Variants in RAB10 observed in about 807,000 individuals in gnomAD.
RAB10 encodes RAB10, member RAS oncogene family, also known as ras-related protein Rab-10.
A neutral mutation model predicts 25.7 loss-of-function variants in RAB10; 5 were observed. The observed-to-expected ratio is 0.19, with a 90% confidence interval of 0.10 to 0.41. The LOEUF is 0.41. RAB10 is among the 10% of genes least tolerant of loss of function. The probability of loss-of-function intolerance (pLI) is 1.00; values close to 1 mark genes in which losing one functional copy is unlikely to be tolerated. For synonymous variants in RAB10, 89 were observed against 86.4 expected, an observed-to-expected ratio of 1.03 and a Z score of -0.16; for missense variants, 103 against 245.8, an observed-to-expected ratio of 0.42 and a Z score of 3.89.
At chr2:26,067,076 C>T (rs1389696669) in intron 1 of RAB10, among the ~76,000 whole-genome samples, 3 of 152,062 alleles carry the variant, frequency 2.0e-5, no homozygotes, top group Non-Finnish European at 4.4e-5. Flanking sequence ...GCCACCATGC[C>T]GCTCTATTTT....
At chr2:26,075,427 T>C (rs1368200324) in intron 1 of RAB10, among the ~76,000 whole-genome samples, 2 of 152,164 alleles carry the variant, frequency 1.3e-5, no homozygotes, top group Admixed American at 6.5e-5. Context: ...TGAACTGTTT[T>C]TGTGCTTTGA....
At chr2:26,070,969 T>C (rs945826227) in intron 1 of RAB10, among the ~76,000 whole-genome samples, 8 of 152,156 alleles carry the variant, frequency 5.3e-5, no homozygotes, top group African/African-American at 1.7e-4. Flanking sequence ...ACAGAAGCAA[T>C]GGTATGTAAA....
At chr2:26,053,912 G>A (rs1666190405) in intron 1 of RAB10, among the ~76,000 whole-genome samples, 1 of 150,432 alleles carries the variant, frequency 6.6e-6, no homozygotes, top group African/African-American at 2.4e-5. Context: ...TAGAGACAGG[G>A]TTTCATCATG....
chr2:26,066,836 G>A (rs565309519), intron 1 of RAB10, among the ~76,000 whole-genome samples: 2 of 145,854 alleles, frequency 1.4e-5, no homozygotes, highest in African/African-American at 2.6e-5. Context: ...AGGCTGAAGT[G>A]CGGTGGCACA....
At chr2:26,111,248 C>G (rs1254894818) in intron 3 of RAB10, among the ~76,000 whole-genome samples, 1 of 152,118 alleles carries the variant, frequency 6.6e-6, no homozygotes, top group Non-Finnish European at 1.5e-5. Context: ...CTCATTACCA[C>G]TGTTTTGTTG....
chr2:26,105,617 T>A (rs1402693871), intron 2 of RAB10, among the ~76,000 whole-genome samples: 2 of 152,038 alleles, frequency 1.3e-5, no homozygotes, highest in Non-Finnish European at 2.9e-5. Flanking sequence ...ATTGTGCCAC[T>A]GTACTCTGTG....
chr2:26,048,566 T>G (rs1415737980), intron 1 of RAB10, among the ~76,000 whole-genome samples: 1 of 152,200 alleles, frequency 6.6e-6, no homozygotes, highest in Non-Finnish European at 1.5e-5. Context: ...TTTTAACTGT[T>G]GAGTTTAGAG....
chr2:26,131,801 G>A (rs1444220828), intron 5 of RAB10, among the ~76,000 whole-genome samples: 2 of 151,982 alleles, frequency 1.3e-5, no homozygotes, highest in African/African-American at 4.8e-5. Context: ...TCCACTGATT[G>A]TCACTTTGCT....
At chr2:26,091,527 G>T (rs902255988) in intron 1 of RAB10, among the ~76,000 whole-genome samples, 1 of 152,138 alleles carries the variant, frequency 6.6e-6, no homozygotes, top group Non-Finnish European at 1.5e-5. Context: ...TGAGGGCAGG[G>T]TAGAGAGGGG....
At chr2:26,107,245 C>CAAAAA (rs57391958) in intron 2 of RAB10, among the ~76,000 whole-genome samples, 9 of 66,796 alleles carry the variant, frequency 1.3e-4, no homozygotes, top group African/African-American at 4.5e-4. Flanking sequence ...CACCCTGTTT[C>CAAAAA]AAAAAAAAAA....
chr2:26,059,631 T>C (rs2149266616), intron 1 of RAB10, among the ~76,000 whole-genome samples: 1 of 152,332 alleles, frequency 6.6e-6, no homozygotes, highest in Admixed American at 6.5e-5. Context: ...CTTCCAAGTA[T>C]ATATCCCAAA....
intron 1 of RAB10, among the ~76,000 whole-genome samples, chr2:26,090,991 C>T (rs185296720): frequency 5.0e-4 from 76 of 151,600 alleles, no homozygotes; most frequent in Non-Finnish European, 9.6e-4. Context: ...TGGCCTGAGG[C>T]GCTAAAAAGC....
At chr2:26,082,541 A>G (rs1666890713) in intron 1 of RAB10, among the ~76,000 whole-genome samples, 1 of 152,160 alleles carries the variant, frequency 6.6e-6, no homozygotes, top group Non-Finnish European at 1.5e-5. Flanking sequence ...CTATAATTGT[A>G]TAGTTGGATA....
At chr2:26,072,440 T>C (rs917738805) in intron 1 of RAB10, among the ~76,000 whole-genome samples, 3 of 151,510 alleles carry the variant, frequency 2.0e-5, no homozygotes, top group African/African-American at 7.3e-5. Flanking sequence ...ATAATAATAA[T>C]AAAAATAATA....
chr2:26,045,518 C>A (rs539041665), intron 1 of RAB10, among the ~76,000 whole-genome samples: 1 of 151,958 alleles, frequency 6.6e-6, no homozygotes, highest in African/African-American at 2.4e-5. Context: ...GGATTACAGG[C>A]GTGAGCCACC....
intron 1 of RAB10, among the ~76,000 whole-genome samples, chr2:26,075,236 CTT>C (rs901626207): frequency 9.7e-4 from 148 of 152,246 alleles, no homozygotes; most frequent in African/African-American, 3.4e-3. Flanking sequence ...CTTTCTGTCT[CTT>C]TTTTTCCCAG....
chr2:26,048,916 T>C (rs1429700924), intron 1 of RAB10, among the ~76,000 whole-genome samples: 1 of 152,256 alleles, frequency 6.6e-6, no homozygotes, highest in Middle Eastern at 3.4e-3. Flanking sequence ...TTTACAGATA[T>C]TTTCTTCCAG....
At chr2:26,043,011 G>A (rs1332396452) in intron 1 of RAB10, among the ~76,000 whole-genome samples, 1 of 152,138 alleles carries the variant, frequency 6.6e-6, no homozygotes, top group Non-Finnish European at 1.5e-5. Flanking sequence ...TTGCTGGTGG[G>A]AATGTGAAAT....
intron 3 of RAB10, among the ~76,000 whole-genome samples, chr2:26,113,315 G>A (rs1275186478): frequency 1.3e-5 from 2 of 151,396 alleles, no homozygotes; most frequent in African/African-American, 2.4e-5. Context: ...GCTCACACCC[G>A]TAAATCCCAG....
Sources: allele counts gnomAD v4.1 joint callset (sites outside exome capture counted in the v4.1 genomes callset), GRCh38; gene constraint gnomAD v4.1.1; transcripts MANE v1.5; gene names NCBI Gene and HGNC (gene_info 2026-07-23, HGNC 2026-07-21).